The following CDC5L variants were observed in gnomAD, a reference collection of about 807,000 sequenced individuals.
The protein encoded by CDC5L is cell division cycle 5-like protein.
In CDC5L, 18 loss-of-function variants were observed where a neutral mutation model predicts 104.1. The ratio of observed to expected loss-of-function variants is 0.17; its 90% CI spans 0.12 to 0.26. The LOEUF (loss-of-function observed/expected upper bound fraction) is 0.26, where lower values mean the gene tolerates loss of function less well. CDC5L is among the 10% of genes least tolerant of loss of function. CDC5L has a pLI of 1.00. For missense variants in CDC5L, 673 were observed against 956.9 expected (o/e 0.70, Z 3.91); for synonymous variants, 331 against 322.7 (o/e 1.03, Z -0.28).
intron 8 of CDC5L, among the ~76,000 whole-genome samples, chr6:44,414,458 C>T (rs1364558126): frequency 1.4e-5 from 2 of 140,716 alleles, no homozygotes; most frequent in Non-Finnish European, 3.1e-5. Flanking sequence ...AGCTATTCAT[C>T]TTCTTTACTC....
intron 9 of CDC5L, 117 bp downstream of exon 9, chr6:44,419,714 A>G (rs1792072841): frequency 1.3e-6 from 1 of 767,326 alleles, no homozygotes; most frequent in Non-Finnish European, 2.2e-6. Flanking sequence ...TTCCTCTTTG[A>G]TTTCTTCTTC....
In CDC5L at chr6:44,406,479, A is replaced by G. The variant is rs748852271; in HGVS notation, c.903+12A>G. Reference sequence around the variant, plus strand: ...TTCCTGCCCCTCAGGTAATCTGATAAAAGCAAATTTTTCACTATGTGAATT... The same window carrying G: ...TTCCTGCCCCTCAGGTAATCTGATAGAAGCAAATTTTTCACTATGTGAATT... On this transcript the variant is annotated intron_variant, in intron 7 of 15. Transcript: ENST00000371477. 1 of 1,596,972 alleles carries G rather than the reference A, an allele frequency of 6.3e-7. No homozygotes were observed.
rs1793221503 is a variant in CDC5L at position 44,442,075 on chromosome 6, T to C, written c.2092-3580T>C. On this transcript the variant is annotated intron_variant, in intron 14 of 15. Coordinates refer to ENST00000371477, the MANE Select transcript of CDC5L (RefSeq NM_001253.4). ...CCTCAGCCTCCCGAGTAGCTGGGAC[T>C]ACAGGCGCCCGCTACCATGCCCGGC... Among the ~76,000 whole-genome samples the C allele has an allele frequency of 1.3e-5, 2 of 151,846 alleles. 1 individual carries two copies. Among genetic ancestry groups the C allele is most frequent in the Admixed American group, 1.3e-4 (2 of 15,240 alleles).
chr6:44,422,438 G>GT (rs1792229892), intron 9 of CDC5L, among the ~76,000 whole-genome samples: 1 of 152,148 alleles, frequency 6.6e-6, no homozygotes, highest in African/African-American at 2.4e-5. Context: ...AGTGATTATT[G>GT]TAAGTCAGTA....
chr6:44,389,616 T>C (rs1209499866), intron 1 of CDC5L, among the ~76,000 whole-genome samples: 2 of 152,052 alleles, frequency 1.3e-5, no homozygotes, highest in African/African-American at 4.8e-5. Context: ...GAGAGCTGAC[T>C]AGTGGGGTTG....
chr6:44,394,366 C>G (rs866568252), intron 4 of CDC5L, among the ~76,000 whole-genome samples: 4 of 152,156 alleles, frequency 2.6e-5, no homozygotes, highest in African/African-American at 9.7e-5. Context: ...AGAGAGACAT[C>G]AAGTCAGAAT....
chr6:44,445,916 T>A, intron 15 of CDC5L, 49 bp downstream of exon 15: 1 of 1,392,136 alleles, frequency 7.2e-7, no homozygotes, highest in Non-Finnish European at 1.0e-6. Flanking sequence ...TGCAAAGAAT[T>A]ATCAGGGCTG....
In CDC5L at chr6:44,446,706, T is replaced by C; in HGVS notation, c.2404T>C (p.Phe802Leu). The C allele has an allele frequency of 6.7e-7, 1 of 1,484,458 alleles. No individual in the cohort carries two copies. The highest frequency in any genetic ancestry group is 9.3e-7 in the Non-Finnish European group (1 of 1,074,940). 92.0% of individuals were successfully genotyped at this position (1,484,458 alleles called of 1,614,324 possible). The change falls in exon 16 of 16, where the codon TTC (phenylalanine) becomes CTC (leucine). Residue 802 changes from phenylalanine to leucine, a missense_variant. Phe to Leu is a conservative substitution (Grantham distance 22). Around this residue, in one of 4 missense-constraint regions of CDC5L, gnomAD observed 578 missense variants for 737.0 expected, o/e 0.78. Coordinates refer to ENST00000371477, the MANE Select transcript of CDC5L (RefSeq NM_001253.4). ...LLEKETLKSK[F>L] is the part of the protein sequence containing the mutation. Reference sequence around the variant, plus strand: ...GGAGAAAGAGACTTTAAAGTCAAAATTCTGAAGTACAGTTTATATTCTGTC... The same window carrying C: ...GGAGAAAGAGACTTTAAAGTCAAAACTCTGAAGTACAGTTTATATTCTGTC...
chr6:44,442,839 A>G (rs1581663689), intron 14 of CDC5L, among the ~76,000 whole-genome samples: 1 of 152,114 alleles, frequency 6.6e-6, no homozygotes, highest in African/African-American at 2.4e-5. Context: ...ACTTTAATAA[A>G]TTTTCATGTT....
At chr6:44,425,135 C>T (rs1792362642) in intron 11 of CDC5L, among the ~76,000 whole-genome samples, 1 of 152,148 alleles carries the variant, frequency 6.6e-6, no homozygotes, top group African/African-American at 2.4e-5. Flanking sequence ...ATTACTTTCT[C>T]ATTTGCACGT....
chr6:44,389,892 A>T (rs1281261684), intron 1 of CDC5L, among the ~76,000 whole-genome samples: 1 of 152,142 alleles, frequency 6.6e-6, no homozygotes, highest in Non-Finnish European at 1.5e-5. Flanking sequence ...AATGAGTTAT[A>T]CATTTTTGTT....
intron 9 of CDC5L, 49 bp from the exon 10 acceptor site, chr6:44,422,598 A>C (rs377063662): frequency 8.2e-7 from 1 of 1,214,424 alleles, no homozygotes; most frequent in Admixed American, 2.5e-5. Flanking sequence ...TGAAAGCACA[A>C]TCCAAATGTA....
intron 5 of CDC5L, among the ~76,000 whole-genome samples, chr6:44,400,444 G>A (rs1333281527): frequency 6.6e-6 from 1 of 152,214 alleles, no homozygotes; most frequent in African/African-American, 2.4e-5. Context: ...CTGGAGTGCA[G>A]TGGCATGATC....
chr6:44,444,143 G>T (rs1481844281), intron 14 of CDC5L, among the ~76,000 whole-genome samples: 3 of 152,184 alleles, frequency 2.0e-5, no homozygotes, highest in Non-Finnish European at 4.4e-5. Context: ...TTGGGTATGT[G>T]TCCTAGTTCC....
intron 14 of CDC5L, among the ~76,000 whole-genome samples, chr6:44,435,111 CTT>C (rs571033985): frequency 9.8e-6 from 1 of 101,750 alleles, no homozygotes. Context: ...TCCCATATAT[CTT>C]TTTTTTTTTT....
At chr6:44,411,633 A>AGTGT (rs780216018) in intron 8 of CDC5L, among the ~76,000 whole-genome samples, 4 of 58,026 alleles carry the variant, frequency 6.9e-5, no homozygotes, top group East Asian at 2.0e-3. Flanking sequence ...AGAGAGAGAG[A>AGTGT]GAGAGTGTGT....
intron 2 of CDC5L, among the ~76,000 whole-genome samples, chr6:44,390,827 G>T (rs1790554194): frequency 1.3e-5 from 2 of 150,482 alleles, no homozygotes; most frequent in African/African-American, 4.9e-5. Flanking sequence ...GCCTACAGTA[G>T]TTGAGTTTCC....
intron 14 of CDC5L, among the ~76,000 whole-genome samples, chr6:44,432,533 A>G (rs1792733881): frequency 1.3e-5 from 2 of 151,722 alleles, no homozygotes; most frequent in Admixed American, 6.6e-5. Context: ...AAAAAAAAAA[A>G]TGCCCTGAGG....
intron 3 of CDC5L, among the ~76,000 whole-genome samples, 168 bp downstream of exon 3, chr6:44,392,996 A>T (rs1790686583): frequency 6.6e-6 from 1 of 152,172 alleles, no homozygotes; most frequent in South Asian, 2.1e-4. Context: ...GATCAAAATT[A>T]TGCCTTCTGT....
Sources: allele counts gnomAD v4.1 joint callset (sites outside exome capture counted in the v4.1 genomes callset), GRCh38; gene constraint gnomAD v4.1.1; regional missense constraint gnomAD v4.1.1; transcripts MANE v1.5; gene names NCBI Gene and HGNC (gene_info 2026-07-23, HGNC 2026-07-21).